The following SNTG1 variants were observed in gnomAD, a reference collection of about 807,000 sequenced individuals.
SNTG1 encodes the protein syntrophin gamma 1, also known as gamma-1-syntrophin.
A neutral mutation model predicts 74.7 loss-of-function variants in SNTG1; 39 were observed. The ratio of observed to expected loss-of-function variants is 0.52; its 90% CI spans 0.40 to 0.68. SNTG1 has a LOEUF of 0.68. Among genes scored for constraint, SNTG1 ranks in the 30% least tolerant of loss-of-function variants. SNTG1 has a pLI of 0.00. For missense variants in SNTG1, 685 were observed against 609.5 expected (o/e 1.12, Z -1.30); for synonymous variants, 254 against 217.1 (o/e 1.17, Z -1.49).
At chr8:50,101,909 T>A (rs1374324240) in intron 1 of SNTG1, among the ~76,000 whole-genome samples, 2 of 152,152 alleles carry the variant, frequency 1.3e-5, no homozygotes, top group African/African-American at 4.8e-5. Flanking sequence ...TATGGCTGCA[T>A]AGTATTCCAT....
chr8:50,479,755 C>T (rs1189504970), intron 8 of SNTG1, among the ~76,000 whole-genome samples: 3 of 151,972 alleles, frequency 2.0e-5, no homozygotes, highest in South Asian at 2.1e-4. Context: ...GGGTTTCTAC[C>T]GTTTCATGTT....
chr8:50,699,711 TGGAG>T (rs2095417127), intron 15 of SNTG1, among the ~76,000 whole-genome samples: 1 of 152,182 alleles, frequency 6.6e-6, no homozygotes, highest in East Asian at 1.9e-4. Flanking sequence ...AAAAGTATTC[TGGAG>T]GCTATTCTTT....
chr8:50,236,348 C>A (rs1335875425), intron 2 of SNTG1, among the ~76,000 whole-genome samples: 1 of 151,962 alleles, frequency 6.6e-6, no homozygotes, highest in East Asian at 1.9e-4. Context: ...AGTTCTTAAA[C>A]CTTCTCCTTC....
At chr8:50,226,408 A>T (rs1415486688) in intron 2 of SNTG1, among the ~76,000 whole-genome samples, 2 of 152,054 alleles carry the variant, frequency 1.3e-5, no homozygotes, top group Non-Finnish European at 1.5e-5. Context: ...CTATTAAGAT[A>T]GCTAGTTTTT....
At chr8:50,152,008 G>A (rs2082085239) in intron 1 of SNTG1, among the ~76,000 whole-genome samples, 1 of 152,008 alleles carries the variant, frequency 6.6e-6, no homozygotes, top group African/African-American at 2.4e-5. Context: ...TTGACAGTGG[G>A]GTGTTAAAGT....
intron 15 of SNTG1, among the ~76,000 whole-genome samples, chr8:50,699,982 T>C (rs766722284): frequency 1.8e-4 from 27 of 152,154 alleles, no homozygotes; most frequent in Non-Finnish European, 3.1e-4. Context: ...ATATATATGG[T>C]AATCAACTTG....
chr8:50,504,729 AG>A (rs2093992053), intron 9 of SNTG1, among the ~76,000 whole-genome samples: 1 of 152,210 alleles, frequency 6.6e-6, no homozygotes. Flanking sequence ...TGAGCCTGGT[AG>A]GCTGAGGATG....
intron 2 of SNTG1, among the ~76,000 whole-genome samples, chr8:50,339,158 A>T (rs1055804944): frequency 1.3e-5 from 2 of 152,060 alleles, no homozygotes; most frequent in African/African-American, 2.4e-5. Context: ...AATGTTGAAA[A>T]TTTCATTAAA....
intron 4 of SNTG1, among the ~76,000 whole-genome samples, chr8:50,423,320 C>A (rs1022771978): frequency 1.4e-4 from 22 of 152,060 alleles, no homozygotes; most frequent in African/African-American, 5.1e-4. Flanking sequence ...ATATAGTAGC[C>A]ACACAACAAT....
At chr8:50,184,454 G>A (rs536317650) in intron 2 of SNTG1, among the ~76,000 whole-genome samples, 10 of 152,194 alleles carry the variant, frequency 6.6e-5, no homozygotes, top group Non-Finnish European at 1.2e-4. Context: ...GTGAGCCACC[G>A]TGCCCGGCCT....
intron 13 of SNTG1, among the ~76,000 whole-genome samples, chr8:50,647,706 A>G (rs887302592): frequency 2.6e-5 from 4 of 152,210 alleles, no homozygotes; most frequent in Non-Finnish European, 5.9e-5. Flanking sequence ...AGCTTCACAT[A>G]TGGGGCATGT....
chr8:50,309,739 G>A lies in SNTG1; in HGVS notation c.-27-84473G>A, dbSNP rs78095778. On this transcript the variant is annotated intron_variant, in intron 2 of 18. Transcript: ENST00000642720. ...TCTGAGAGACGAAGTGGAGATTAAA[G>A]GAAAATGTGTATCTAATTTAGCTTT... Among the ~76,000 whole-genome samples the A allele has an allele frequency of 2.0e-3, 305 of 152,282 alleles. 2 individuals carry two copies. The highest frequency in any genetic ancestry group is 6.9e-3 in the African/African-American group (288 of 41,560).
chr8:50,153,127 CT>C (rs2082128981), intron 1 of SNTG1, among the ~76,000 whole-genome samples: 1 of 152,072 alleles, frequency 6.6e-6, no homozygotes, highest in African/African-American at 2.4e-5. Context: ...TTTCTCTAAA[CT>C]TCTCTTCTCA....
intron 2 of SNTG1, among the ~76,000 whole-genome samples, chr8:50,338,606 A>G (rs1018645756): frequency 2.0e-5 from 3 of 152,208 alleles, no homozygotes; most frequent in Admixed American, 2.0e-4. Context: ...AGAAAATGCT[A>G]AAAATCAAAA....
At chr8:50,267,573 C>T (rs2087546593) in intron 2 of SNTG1, among the ~76,000 whole-genome samples, 1 of 152,118 alleles carries the variant, frequency 6.6e-6, no homozygotes, top group Non-Finnish European at 1.5e-5. Flanking sequence ...AGGTAAAGTG[C>T]TGCAGCCATA....
At chr8:50,413,703 GGATGTTA>G (rs2092979443) in intron 4 of SNTG1, among the ~76,000 whole-genome samples, 1 of 152,134 alleles carries the variant, frequency 6.6e-6, no homozygotes, top group African/African-American at 2.4e-5. Flanking sequence ...ACATTTGGAT[GGATGTTA>G]GATCAGCTCC....
chr8:50,779,530 T>C (rs956683280), intron 18 of SNTG1, among the ~76,000 whole-genome samples: 2 of 152,204 alleles, frequency 1.3e-5, no homozygotes, highest in Non-Finnish European at 2.9e-5. Context: ...ATAAGAATGC[T>C]TGTGATTTTT....
intron 2 of SNTG1, among the ~76,000 whole-genome samples, chr8:50,387,802 C>G (rs1273203423): frequency 6.6e-6 from 1 of 152,012 alleles, no homozygotes; most frequent in Non-Finnish European, 1.5e-5. Flanking sequence ...GTACTTATAC[C>G]TATAAAAGAA....
chr8:50,426,294 A>G (rs192006846), intron 4 of SNTG1, among the ~76,000 whole-genome samples: 10 of 152,298 alleles, frequency 6.6e-5, no homozygotes, highest in Admixed American at 1.3e-4. Context: ...TTTCAGCAAT[A>G]ATGATATTTG....
Sources: gnomAD v4.1 joint callset for allele counts (sites outside exome capture counted in the v4.1 genomes callset) on GRCh38, gnomAD v4.1.1 for gene constraint, MANE v1.5 for transcripts, NCBI Gene and HGNC (gene_info 2026-07-23, HGNC 2026-07-21) for gene names.